NBEA: variants seen among roughly 807,000 people sequenced by gnomAD.
The protein encoded by NBEA is lysosomal-trafficking regulator 2.
In NBEA, 44 loss-of-function variants were observed where a neutral mutation model predicts 343.4. The observed-to-expected ratio is 0.13, with a 90% CI of 0.10 to 0.16. The LOEUF is 0.16. NBEA is among the 10% of genes least tolerant of loss of function. The pLI, the probability that NBEA is intolerant of heterozygous loss-of-function variation, is 1.00. For synonymous variants in NBEA, 1,175 were observed against 1,238.7 expected (o/e 0.95, Z 1.08); for missense variants, 2,555 against 3,631.3 (o/e 0.70, Z 7.62).
At chr13:35,491,599 C>T (rs2076501402) in intron 41 of NBEA, among the ~76,000 whole-genome samples, 3 of 151,874 alleles carry the variant, frequency 2.0e-5, no homozygotes, top group Non-Finnish European at 4.4e-5. Flanking sequence ...CCTCCAGACT[C>T]TGCCCATCTC....
At chr13:35,034,528 G>A (rs1392215041) in intron 1 of NBEA, among the ~76,000 whole-genome samples, 2 of 151,386 alleles carry the variant, frequency 1.3e-5, no homozygotes, top group African/African-American at 4.8e-5. Context: ...CGGGTAATAC[G>A]GGCCTCATGG....
Position 34,942,958 on chromosome 13 carries a change from G to C in NBEA, c.138G>C (p.Arg46Ser). The C allele has an allele frequency of 1.9e-6, 3 of 1,599,142 alleles. No homozygotes were observed. Among genetic ancestry groups the C allele is most frequent in the Non-Finnish European group, 8.5e-7 (1 of 1,173,222 alleles). The change falls in exon 1 of 59, where the codon AGG becomes AGC. Residue 46 changes from arginine (R) to serine (S), a missense_variant. Around this residue, in one of 21 missense-constraint regions of NBEA, gnomAD observed 122 missense variants for 91.0 expected, o/e 1.34. Coordinates refer to ENST00000379939, the MANE Select transcript of NBEA (RefSeq NM_001385012.1). ...GGGGCAGCGGGATGGGGGAGCTAAG[G>C]GGGGCGTCCGGCTCCGGCTCGGTGA... ...GTGGSGMGEL[R>S]GASGSGSVML...
intron 35 of NBEA, among the ~76,000 whole-genome samples, chr13:35,300,881 G>T (rs1190218872): frequency 1.3e-5 from 2 of 151,210 alleles, no homozygotes; most frequent in Non-Finnish European, 2.9e-5. Flanking sequence ...ATGCATTTTT[G>T]TTTGCCACCC....
At chr13:35,558,019 G>A (rs1010734762) in intron 44 of NBEA, among the ~76,000 whole-genome samples, 7 of 152,122 alleles carry the variant, frequency 4.6e-5, no homozygotes, top group South Asian at 2.1e-4. Context: ...AAGGGAATGC[G>A]ATGTGGAGTT....
At chr13:35,051,683 T>C (rs1216313583) in intron 6 of NBEA, among the ~76,000 whole-genome samples, 1 of 152,022 alleles carries the variant, frequency 6.6e-6, no homozygotes, top group African/African-American at 2.4e-5. Flanking sequence ...TCACATTGCC[T>C]TTGCTCTGGA....
chr13:35,102,180 T>C (rs1385189377), intron 11 of NBEA, among the ~76,000 whole-genome samples: 1 of 151,840 alleles, frequency 6.6e-6, no homozygotes, highest in Non-Finnish European at 1.5e-5. Context: ...GTATGTCATC[T>C]AGCTGGCCCA....
intron 1 of NBEA, among the ~76,000 whole-genome samples, chr13:34,943,901 AAG>A (rs2059110709): frequency 6.6e-6 from 1 of 152,194 alleles, no homozygotes; most frequent in African/African-American, 2.4e-5. Flanking sequence ...CATGGTAAGA[AAG>A]AGTTACTGCA....
chr13:35,530,474 A>C (rs9574095), intron 41 of NBEA, among the ~76,000 whole-genome samples: 72,013 of 152,114 alleles, frequency 0.47, 18,513 homozygotes, highest in East Asian at 0.76. Flanking sequence ...TGTGCTTTGT[A>C]AAAGCCCAAG....
intron 38 of NBEA, among the ~76,000 whole-genome samples, chr13:35,365,440 GTAGT>G (rs1316184222): frequency 6.6e-6 from 1 of 151,644 alleles, no homozygotes; most frequent in Non-Finnish European, 1.5e-5. Flanking sequence ...ACAAACATCT[GTAGT>G]TAAAGTGAGG....
chr13:35,621,889 T>C (rs2083010829), intron 48 of NBEA, among the ~76,000 whole-genome samples: 1 of 152,214 alleles, frequency 6.6e-6, no homozygotes, highest in East Asian at 1.9e-4. Context: ...TAATTGAGGA[T>C]ATAGTATTAA....
intron 38 of NBEA, among the ~76,000 whole-genome samples, chr13:35,416,115 C>A (rs1468118602): frequency 6.6e-6 from 1 of 152,128 alleles, no homozygotes; most frequent in Non-Finnish European, 1.5e-5. Flanking sequence ...AGTTGCTTAT[C>A]AGCTTAAGAA....
intron 1 of NBEA, among the ~76,000 whole-genome samples, chr13:35,001,108 G>A (rs973068585): frequency 4.8e-4 from 73 of 151,956 alleles, no homozygotes; most frequent in African/African-American, 1.6e-3. Flanking sequence ...GATTTGTGGC[G>A]TAGTTCTTAA....
chr13:35,416,176 G>A (rs943472108), intron 38 of NBEA, among the ~76,000 whole-genome samples: 5 of 152,132 alleles, frequency 3.3e-5, no homozygotes, highest in Admixed American at 2.0e-4. Context: ...GATGTCATCT[G>A]CAAACAGGGA....
chr13:35,479,372 C>G (rs575248293), intron 41 of NBEA, among the ~76,000 whole-genome samples: 1 of 152,144 alleles, frequency 6.6e-6, no homozygotes. Flanking sequence ...ACACTGAACA[C>G]GTGAAATGAA....
intron 35 of NBEA, among the ~76,000 whole-genome samples, chr13:35,306,768 C>T (rs903862424): frequency 6.6e-6 from 1 of 151,930 alleles, no homozygotes; most frequent in Non-Finnish European, 1.5e-5. Flanking sequence ...CTATAATATT[C>T]TGCTTCTGTT....
chr13:35,624,055 GGTGTGTGTGTGT>G (rs10561419), intron 48 of NBEA, among the ~76,000 whole-genome samples: 80 of 147,502 alleles, frequency 5.4e-4, no homozygotes, highest in South Asian at 1.3e-3. Flanking sequence ...TGTGTGTGTG[GGTGTGTGTGTGT>G]GTGTGTGTGT....
chr13:35,125,505 C>T (rs1164119961), intron 17 of NBEA, among the ~76,000 whole-genome samples: 2 of 152,096 alleles, frequency 1.3e-5, no homozygotes, highest in African/African-American at 2.4e-5. Context: ...CAAAGAATTA[C>T]ACAGATGAGC....
chr13:35,088,357 T>G (rs975759508), intron 10 of NBEA, among the ~76,000 whole-genome samples: 1 of 151,918 alleles, frequency 6.6e-6, no homozygotes, highest in African/African-American at 2.4e-5. Flanking sequence ...ATAAATCTTT[T>G]CAGTTTTCTG....
At position 35,385,396 on chromosome 13, in the gene NBEA, A is replaced by G. The variant is rs552222624; in HGVS notation, c.6179+33073A>G. Among the ~76,000 whole-genome samples, 6 of 152,280 alleles carry G rather than the reference A, an allele frequency of 3.9e-5. No individual in the cohort carries two copies. In the East Asian group the frequency reaches 1.2e-3, roughly 29 times the overall value. ...TACAACATTAAGAAATTAATATTTTATTTTATTTAACATACTAGTTGGGCC... is the reference window on the plus strand; with the variant it reads ...TACAACATTAAGAAATTAATATTTTGTTTTATTTAACATACTAGTTGGGCC... On this transcript the variant is annotated intron_variant, in intron 38 of 58. Coordinates refer to ENST00000379939, the MANE Select transcript of NBEA (RefSeq NM_001385012.1).
Sources: gnomAD v4.1 joint callset for allele counts (sites outside exome capture counted in the v4.1 genomes callset) on GRCh38, gnomAD v4.1.1 for gene constraint, gnomAD v4.1.1 regional missense constraint, MANE v1.5 for transcripts, NCBI Gene and HGNC (gene_info 2026-07-23, HGNC 2026-07-21) for gene names.